Variants in JPH1 observed in about 807,000 individuals in gnomAD.
The protein encoded by JPH1 is junctophilin 1.
Under a neutral mutation model 53.6 loss-of-function variants are expected in JPH1, and 12 were observed. The observed-to-expected ratio is 0.22, with a 90% confidence interval of 0.14 to 0.36. The LOEUF is 0.36. Among genes scored for constraint, JPH1 ranks in the 10% least tolerant of loss-of-function variants. The pLI, the probability that JPH1 is intolerant of heterozygous loss-of-function variation, is 1.00. For missense variants in JPH1, 808 were observed against 905.5 expected, an observed-to-expected ratio of 0.89 and a Z score of 1.38; for synonymous variants, 375 against 363.8, an observed-to-expected ratio of 1.03 and a Z score of -0.35.
At chr8:74,237,119 A>G (rs577535988) in intron 5 of JPH1, 84 bp from the exon 6 acceptor site, 78 of 806,106 alleles carry the variant, frequency 9.7e-5, no homozygotes, top group Non-Finnish European at 1.4e-4. Flanking sequence ...GAAGGACAAT[A>G]CGTCATTGTT....
chr8:74,312,657 T>C (rs1808031568), intron 2 of JPH1, among the ~76,000 whole-genome samples: 1 of 152,196 alleles, frequency 6.6e-6, no homozygotes, highest in Non-Finnish European at 1.5e-5. Flanking sequence ...TTCGTATCTG[T>C]TGAACAGCAA....
intron 3 of JPH1, among the ~76,000 whole-genome samples, chr8:74,253,813 G>C (rs567535716): frequency 9.2e-5 from 14 of 152,168 alleles, no homozygotes; most frequent in African/African-American, 3.1e-4. Context: ...TAAATTCCTT[G>C]ACACAAACAC....
chr8:74,287,404 A>G (rs1320441048), intron 2 of JPH1, among the ~76,000 whole-genome samples: 1 of 151,104 alleles, frequency 6.6e-6, no homozygotes, highest in Non-Finnish European at 1.5e-5. Flanking sequence ...TGGGCAACAG[A>G]GCGAGACTCT....
intron 2 of JPH1, among the ~76,000 whole-genome samples, chr8:74,293,462 G>A (rs938301138): frequency 6.6e-6 from 1 of 152,148 alleles, no homozygotes; most frequent in Admixed American, 6.5e-5. Context: ...TTTTACAGAT[G>A]GGGAAACTAA....
chr8:74,278,958 C>A (rs1010887601), intron 2 of JPH1, among the ~76,000 whole-genome samples: 4 of 150,648 alleles, frequency 2.7e-5, no homozygotes, highest in African/African-American at 9.9e-5. Context: ...GACAGACACA[C>A]ACACACACAG....
chr8:74,244,721 A>G lies in JPH1; in HGVS notation c.1713T>C (p.Asp571=), dbSNP rs1333982352. Residue 571 remains aspartate, a synonymous_variant, in exon 4 of 6, where the codon GAT becomes GAC. Coordinates refer to ENST00000342232, the MANE Select transcript of JPH1 (RefSeq NM_020647.4). ...QHPPVDVEDG[D]GSSQSSSALV... ...GTGCTGAGGAAGACTGGCTGGATCC[A>G]TCGCCGTCCTCCACGTCTACTGGAG... 3 of 1,614,016 alleles carry G rather than the reference A, an allele frequency of 1.9e-6. No individual in the cohort carries two copies. The highest frequency in any genetic ancestry group is 1.7e-6 in the Non-Finnish European group (2 of 1,180,036).
chr8:74,243,422 A>T (rs1238227097), intron 4 of JPH1, among the ~76,000 whole-genome samples: 2 of 152,242 alleles, frequency 1.3e-5, no homozygotes, highest in Non-Finnish European at 2.9e-5. Flanking sequence ...GAAAATTTGA[A>T]AAAAGAAGAG....
At position 74,235,086 on chromosome 8, in the gene JPH1, T is replaced by TTA. The variant is rs1169939627; in HGVS notation, c.*1963_*1964dup. The TTA allele has an allele frequency of 6.6e-6, 1 of 152,420 alleles. No individual in the cohort carries two copies. Among genetic ancestry groups the TTA allele is most frequent in the Non-Finnish European group, 1.5e-5 (1 of 68,036 alleles). The allele number at this position is 152,420 out of a possible 1,614,324, so 9.4% of individuals were successfully genotyped here. ...TCTGTTACCCATTATTTCCAAAGCA[T>TTA]TACGCATTTTAAATGAACACTTAAT... On this transcript the variant is annotated 3_prime_UTR_variant, in exon 6 of 6. Coordinates refer to ENST00000342232, the MANE Select transcript of JPH1 (RefSeq NM_020647.4).
Position 74,235,869 on chromosome 8 carries a change from G to C in JPH1, c.*1182C>G, listed in dbSNP as rs1806984353. The stretch of plus-strand genomic sequence containing the variant: ...AGGCAGTGATTGAACAAGGCTTTAT[G>C]TTCTACCTGAATGTATTCAACAGAA... On this transcript the variant is annotated 3_prime_UTR_variant, in exon 6 of 6. Transcript: ENST00000342232. 1 of 152,250 alleles carries C rather than the reference G, an allele frequency of 6.6e-6. No individual in the cohort carries two copies. Among genetic ancestry groups the C allele is most frequent in the African/African-American group, 2.4e-5 (1 of 41,456 alleles). 9.4% of individuals were successfully genotyped at this position (152,250 alleles called of 1,614,324 possible).
At chr8:74,290,620 G>GA (rs1411125601) in intron 2 of JPH1, among the ~76,000 whole-genome samples, 10 of 152,038 alleles carry the variant, frequency 6.6e-5, no homozygotes, top group African/African-American at 2.2e-4. Flanking sequence ...CACAGAATTG[G>GA]AAAAAACTAC....
chr8:74,287,662 CT>C (rs2131427654), intron 2 of JPH1, among the ~76,000 whole-genome samples: 1 of 150,256 alleles, frequency 6.7e-6, no homozygotes, highest in South Asian at 2.1e-4. Context: ...AACAATTAGT[CT>C]AGTTTCTTTT....
At chr8:74,285,449 T>C (rs1250644284) in intron 2 of JPH1, among the ~76,000 whole-genome samples, 1 of 152,162 alleles carries the variant, frequency 6.6e-6, no homozygotes, top group African/African-American at 2.4e-5. Flanking sequence ...TAGTATATTA[T>C]TAAATTAAAA....
At chr8:74,271,717 G>A (rs944267273) in intron 2 of JPH1, among the ~76,000 whole-genome samples, 1 of 152,178 alleles carries the variant, frequency 6.6e-6, no homozygotes, top group Non-Finnish European at 1.5e-5. Context: ...GCAATGCTTT[G>A]TTATGGCATG....
chr8:74,303,587 AT>A (rs1279960101), intron 2 of JPH1, among the ~76,000 whole-genome samples: 1 of 151,954 alleles, frequency 6.6e-6, no homozygotes, highest in Non-Finnish European at 1.5e-5. Context: ...GCAGATAACT[AT>A]TTTTTTATTT....
intron 2 of JPH1, among the ~76,000 whole-genome samples, chr8:74,303,479 G>C (rs1409147705): frequency 6.6e-5 from 10 of 152,148 alleles, no homozygotes; most frequent in Non-Finnish European, 1.0e-4. Context: ...AGGTCCTAGT[G>C]AATCTGCTTG....
chr8:74,313,766 GA>G (rs1428681730), intron 2 of JPH1, among the ~76,000 whole-genome samples: 3 of 152,122 alleles, frequency 2.0e-5, no homozygotes, highest in Non-Finnish European at 4.4e-5. Context: ...GAGTGTTATT[GA>G]AGCAGAAACA....
chr8:74,255,194 G>A lies in JPH1; in HGVS notation c.1258+4191C>T, dbSNP rs1178307996. 2.0e-5 allele frequency among the ~76,000 whole-genome samples: 3 copies of A among 152,078 alleles called. No homozygotes were observed. In the South Asian group the frequency reaches 6.2e-4, roughly 31 times the overall value. On this transcript the variant is annotated intron_variant, in intron 3 of 5. Transcript: ENST00000342232. ...ACAGCATGGTAGTGGTACCAAAACA[G>A]AGATATAGACCAATGGAACAGAACA... is the stretch of plus-strand genomic sequence containing the variant.
At chr8:74,251,105 A>G (rs10111939) in intron 3 of JPH1, among the ~76,000 whole-genome samples, 11,545 of 152,204 alleles carry the variant, frequency 0.076, 1,362 homozygotes, top group African/African-American at 0.25. Flanking sequence ...CAGTAAAGCC[A>G]TATACCATGG....
At chr8:74,312,985 T>C (rs1019394343) in intron 2 of JPH1, among the ~76,000 whole-genome samples, 4 of 152,192 alleles carry the variant, frequency 2.6e-5, no homozygotes, top group African/African-American at 7.2e-5. Flanking sequence ...AGAGAGAACA[T>C]GGCTAGGACT....
Sources: gnomAD v4.1 joint callset for allele counts (sites outside exome capture counted in the v4.1 genomes callset) on GRCh38, gnomAD v4.1.1 for gene constraint, MANE v1.5 for transcripts, NCBI Gene and HGNC (gene_info 2026-07-23, HGNC 2026-07-21) for gene names.